Variants in RXRA observed in about 807,000 individuals in gnomAD.
RXRA encodes retinoid X receptor alpha.
A neutral mutation model predicts 44.5 loss-of-function variants in RXRA; 5 were observed. That is an observed-to-expected ratio of 0.11 (90% CI 0.06 to 0.24). The LOEUF is 0.24. RXRA is among the 10% of genes least tolerant of loss of function. RXRA has a pLI of 1.00. For missense variants in RXRA, 412 were observed against 646.5 expected (o/e 0.64, Z 3.93); for synonymous variants, 291 against 271.4 (o/e 1.07, Z -0.71).
chr9:134,410,708 G>GC (rs1213233621), intron 4 of RXRA, among the ~76,000 whole-genome samples: 4 of 152,180 alleles, frequency 2.6e-5, no homozygotes, highest in African/African-American at 9.7e-5. Flanking sequence ...GCTGGAGCTG[G>GC]GGGGGGAAGG....
chr9:134,414,128 C>A (rs890868292), intron 4 of RXRA, among the ~76,000 whole-genome samples: 1 of 152,250 alleles, frequency 6.6e-6, no homozygotes, highest in Admixed American at 6.5e-5. Context: ...ATAAAGCGAT[C>A]ATATTTATAA....
rs117417244 is a variant in RXRA at position 134,341,554 on chromosome 9, C to A, written c.28+14895C>A. Among the ~76,000 whole-genome samples, 120 of 152,330 alleles carry A rather than the reference C, an allele frequency of 7.9e-4. No individual in the cohort carries two copies. In the East Asian group the frequency reaches 0.018, roughly 23 times the overall value. On this transcript the variant is annotated intron_variant, in intron 1 of 9. Coordinates refer to ENST00000481739, the MANE Select transcript of RXRA (RefSeq NM_002957.6). ...TTAGCAACTCTGGGTGAGATAGGCC[C>A]CCGCCCTCCAGTCTCCACCCGGCTT... is the stretch of plus-strand genomic sequence containing the variant.
intron 1 of RXRA, among the ~76,000 whole-genome samples, chr9:134,393,812 C>T (rs1015984345): frequency 1.3e-5 from 2 of 152,166 alleles, no homozygotes; most frequent in African/African-American, 4.8e-5. Context: ...GTGTGCTTCC[C>T]ACTTCCCTCA....
intron 1 of RXRA, among the ~76,000 whole-genome samples, chr9:134,388,728 C>G (rs915046756): frequency 2.6e-5 from 4 of 152,212 alleles, no homozygotes; most frequent in African/African-American, 9.6e-5. Context: ...CCTGGTCTTC[C>G]TGCACCTGGA....
intron 1 of RXRA, among the ~76,000 whole-genome samples, chr9:134,335,432 T>C (rs1194156195): frequency 5.9e-5 from 9 of 152,160 alleles, no homozygotes; most frequent in Non-Finnish European, 1.2e-4. Context: ...ATGGATTCTT[T>C]CCAGGGGGAT....
intron 7 of RXRA, among the ~76,000 whole-genome samples, chr9:134,430,385 G>A (rs1316678186): frequency 6.6e-6 from 1 of 152,234 alleles, no homozygotes; most frequent in Non-Finnish European, 1.5e-5. Flanking sequence ...GAACACGAGA[G>A]CCCCAACGTT....
chr9:134,422,682 A>G (rs1471487669), intron 6 of RXRA: 1 of 984,428 alleles, frequency 1.0e-6, no homozygotes, highest in Non-Finnish European at 1.2e-6. Flanking sequence ...CTCCCGGGAC[A>G]CTCCCCCGTC....
intron 6 of RXRA, chr9:134,423,113 CA>C: frequency 1.0e-6 from 1 of 985,484 alleles, no homozygotes; most frequent in Non-Finnish European, 1.2e-6. Flanking sequence ...GCTGGTCCCC[CA>C]CCTGGAAAGG....
Position 134,352,846 on chromosome 9 carries a change from T to C in RXRA, c.28+26187T>C, listed in dbSNP as rs149393695. Among the ~76,000 whole-genome samples, 1,371 of 152,252 alleles carry C rather than the reference T, an allele frequency of 9.0e-3. 8 individuals are homozygous for C. Among genetic ancestry groups the C allele is most frequent in the Non-Finnish European group, 0.015 (1,014 of 67,996 alleles). ...ACATCCAGGGCTCTTGGGTCTCTCTTTGGCAGGGAATCAGGAGCCCTGGAG... is the reference window on the plus strand; with the variant it reads ...ACATCCAGGGCTCTTGGGTCTCTCTCTGGCAGGGAATCAGGAGCCCTGGAG... On this transcript the variant is annotated intron_variant, in intron 1 of 9. Coordinates refer to ENST00000481739, the MANE Select transcript of RXRA (RefSeq NM_002957.6).
At chr9:134,424,576 T>G (rs1831402795) in intron 6 of RXRA, 2 of 985,438 alleles carry the variant, frequency 2.0e-6, no homozygotes, top group Non-Finnish European at 2.4e-6. Context: ...TCTCTGTGCC[T>G]CAGTGTCCTT....
In RXRA at chr9:134,417,462, C is replaced by T. The variant is rs1037036486; in HGVS notation, c.780+135C>T. The T allele has an allele frequency of 6.3e-5, 66 of 1,046,732 alleles. No homozygotes were observed. The highest frequency in any genetic ancestry group is 1.5e-4 in the Admixed American group (6 of 40,612). The allele number at this position is 1,046,732 out of a possible 1,614,324, so 64.8% of individuals were successfully genotyped here. On this transcript the variant is annotated intron_variant, in intron 5 of 9. Coordinates refer to ENST00000481739, the MANE Select transcript of RXRA (RefSeq NM_002957.6). The surrounding 1 kb of genome is among the most constrained non-coding windows in gnomAD (Gnocchi z 6.1). The stretch of plus-strand genomic sequence containing the variant: ...CCTGGGCCCTGTGGCTGCCTCAGCT[C>T]GGCCTCTTACCTGAGGTGACCCCGT...
At chr9:134,435,391 T>G (rs897400052) in intron 9 of RXRA, among the ~76,000 whole-genome samples, 1 of 75,688 alleles carries the variant, frequency 1.3e-5, no homozygotes, top group Non-Finnish European at 2.9e-5. Context: ...CCCCCCTCCC[T>G]CCCGCCCCCC....
chr9:134,354,758 T>A (rs1251762480), intron 1 of RXRA, among the ~76,000 whole-genome samples: 6 of 152,236 alleles, frequency 3.9e-5, no homozygotes, highest in Non-Finnish European at 8.8e-5. Context: ...AAGTCTCAGA[T>A]CTGGGCCAAA....
intron 1 of RXRA, among the ~76,000 whole-genome samples, chr9:134,350,267 C>T (rs1391306768): frequency 6.6e-6 from 1 of 152,114 alleles, no homozygotes; most frequent in Admixed American, 6.5e-5. Context: ...GGGCTGGGGC[C>T]GCGGAGTGGC....
intron 1 of RXRA, among the ~76,000 whole-genome samples, chr9:134,381,912 G>A (rs1487488457): frequency 2.0e-5 from 3 of 152,168 alleles, no homozygotes; most frequent in African/African-American, 7.2e-5. Flanking sequence ...CCCGGTGGGG[G>A]CTGCTCAGGT....
intron 1 of RXRA, among the ~76,000 whole-genome samples, chr9:134,388,332 G>A (rs1830751994): frequency 8.0e-6 from 1 of 125,134 alleles, no homozygotes; most frequent in Admixed American, 7.9e-5. Context: ...CACACGTGTT[G>A]GGGTCACTAC....
At chr9:134,375,985 G>A (rs1015327862) in intron 1 of RXRA, among the ~76,000 whole-genome samples, 5 of 15,138 alleles carry the variant, frequency 3.3e-4, no homozygotes, top group African/African-American at 8.8e-4. Flanking sequence ...ACCCCACCCC[G>A]CCAGGCTCGC....
chr9:134,388,895 G>T (rs1231692849), intron 1 of RXRA, among the ~76,000 whole-genome samples: 1 of 152,174 alleles, frequency 6.6e-6, no homozygotes, highest in Non-Finnish European at 1.5e-5. Flanking sequence ...GCTTGGTGGG[G>T]GCTGCTGCTT....
intron 4 of RXRA, among the ~76,000 whole-genome samples, chr9:134,411,761 C>T (rs1831152322): frequency 6.6e-6 from 1 of 152,226 alleles, no homozygotes; most frequent in African/African-American, 2.4e-5. Context: ...GAGGGCACCT[C>T]TGCGTGGGCG....
Sources: gnomAD v4.1 joint callset for allele counts (sites outside exome capture counted in the v4.1 genomes callset) on GRCh38, gnomAD v4.1.1 for gene constraint, Gnocchi (gnomAD v3.1) non-coding constraint, MANE v1.5 for transcripts, NCBI Gene and HGNC (gene_info 2026-07-23, HGNC 2026-07-21) for gene names.